PPP4R3A: variants seen among roughly 807,000 people sequenced by gnomAD.
PPP4R3A encodes the protein protein phosphatase 4 regulatory subunit 3A, also known as serine/threonine-protein phosphatase 4 regulatory subunit 3A.
In PPP4R3A, 15 loss-of-function variants were observed where a neutral mutation model predicts 91.7. That is an observed-to-expected ratio of 0.16 (90% CI 0.11 to 0.25). PPP4R3A has a LOEUF of 0.25. Among genes scored for constraint, PPP4R3A ranks in the 10% least tolerant of loss-of-function variants. PPP4R3A has a pLI of 1.00. For missense variants in PPP4R3A, 623 were observed against 998.4 expected (o/e 0.62, Z 5.07); for synonymous variants, 377 against 348.7 (o/e 1.08, Z -0.91).
chr14:91,472,458 G>GTTT (rs76707705), intron 9 of PPP4R3A, among the ~76,000 whole-genome samples: 28 of 133,158 alleles, frequency 2.1e-4, no homozygotes, highest in Non-Finnish European at 3.2e-4. Context: ...CAGGAAAATT[G>GTTT]TTTTTTTTTT....
chr14:91,466,973 T>G (rs1009022664), intron 10 of PPP4R3A, among the ~76,000 whole-genome samples: 20 of 47,808 alleles, frequency 4.2e-4, no homozygotes, highest in African/African-American at 1.5e-3. Context: ...ACCCCTCTTG[T>G]CTGACTATAG....
rs780145413 is a variant in PPP4R3A, at chr14:91,462,173, CTCT to C, written c.2037_2039del (p.Glu680del). 9 of 1,609,070 alleles carry C rather than the reference CTCT, an allele frequency of 5.6e-6. No homozygotes were observed. Among genetic ancestry groups the C allele is most frequent in the African/African-American group, 2.7e-5 (2 of 74,754 alleles). On this transcript the variant is annotated inframe_deletion, in exon 13 of 15. Coordinates refer to ENST00000554943, the MANE Select transcript of PPP4R3A (RefSeq NM_001366432.2). ...CATCTTCATCTGTGTTAAACCACAT[CTCT>C]TCTTCATCTTCTAGTGTTCTGGCAT...
chr14:91,465,067 C>G (rs1008019787), intron 11 of PPP4R3A, among the ~76,000 whole-genome samples, 183 bp downstream of exon 11: 1 of 152,040 alleles, frequency 6.6e-6, no homozygotes, highest in African/African-American at 2.4e-5. Context: ...CCTGCTATAA[C>G]AGATTTGTAG....
At chr14:91,507,480 G>GAATATATACTATAA (rs1891441913) in intron 1 of PPP4R3A, among the ~76,000 whole-genome samples, 1 of 99,154 alleles carries the variant, frequency 1.0e-5, no homozygotes, top group African/African-American at 4.5e-5. Context: ...ATATACTATA[G>GAATATATACTATAA]TTATATATAC....
chr14:91,463,168 C>T (rs1888263124), intron 11 of PPP4R3A, among the ~76,000 whole-genome samples: 2 of 151,938 alleles, frequency 1.3e-5, no homozygotes, highest in Non-Finnish European at 1.5e-5. Context: ...TGGATTTAAG[C>T]GATTCTCCTG....
chr14:91,486,061 G>A lies in PPP4R3A; in HGVS notation c.199-331C>T, dbSNP rs140193166. Among the ~76,000 whole-genome samples, 32 of 152,234 alleles carry A rather than the reference G, an allele frequency of 2.1e-4. 1 individual carries two copies. In the East Asian group the frequency reaches 6.2e-3, roughly 29 times the overall value. ...TTACATTTTATGCTGTCATTAAAAT[G>A]TCCAAAGAGGAAATCTAAGCATAAA... On this transcript the variant is annotated intron_variant, in intron 2 of 14. Transcript: ENST00000554943.
At chr14:91,481,512 T>C in intron 4 of PPP4R3A, 64 bp downstream of exon 4, 1 of 1,466,544 alleles carries the variant, frequency 6.8e-7, no homozygotes, top group Non-Finnish European at 9.0e-7. Context: ...TGTATGTATT[T>C]AAAAGGAGCA....
At chr14:91,508,450 T>C (rs552975359) in intron 1 of PPP4R3A, among the ~76,000 whole-genome samples, 3 of 152,298 alleles carry the variant, frequency 2.0e-5, no homozygotes, top group Non-Finnish European at 2.9e-5. Context: ...ACAATCATAA[T>C]AAACTGGCAT....
chr14:91,500,893 A>G (rs891431281), intron 1 of PPP4R3A, among the ~76,000 whole-genome samples: 4 of 152,118 alleles, frequency 2.6e-5, no homozygotes, highest in African/African-American at 7.2e-5. Context: ...TTAGCTGGAC[A>G]TGGTGGTATG....
At position 91,472,974 on chromosome 14, in the gene PPP4R3A, C is replaced by A. The variant is rs1208510570; in HGVS notation, c.1501+59G>T. 8.6e-6 allele frequency: 13 copies of A among 1,520,372 alleles called. No individual in the cohort carries two copies. In the East Asian group the frequency reaches 9.0e-5, roughly 11 times the overall value. 94.2% of individuals were successfully genotyped at this position (1,520,372 alleles called of 1,614,324 possible). On this transcript the variant is annotated intron_variant, in intron 9 of 14. Transcript: ENST00000554943. Reference sequence around the variant, plus strand: ...CCTCCTAAAAAGACTGACTTAACACCAACTTTGAATTCAGCATTCAAGAAC... The same window carrying A: ...CCTCCTAAAAAGACTGACTTAACACAAACTTTGAATTCAGCATTCAAGAAC...
At chr14:91,507,525 AG>A (rs1246901419) in intron 1 of PPP4R3A, among the ~76,000 whole-genome samples, 18 of 137,146 alleles carry the variant, frequency 1.3e-4, no homozygotes, top group African/African-American at 4.5e-4. Context: ...TATATACTAT[AG>A]TTATATATAC....
chr14:91,509,313 G>A lies in PPP4R3A; in HGVS notation c.142+193C>T, dbSNP rs949167331. Among the ~76,000 whole-genome samples, 8 of 152,282 alleles carry A rather than the reference G, an allele frequency of 5.3e-5. No homozygotes were observed. The South Asian group carries it at 1.2e-3, about 24-fold the overall frequency. Reference sequence around the variant, plus strand: ...AAATGCCACCAGGCACTCAGAGAAAGGAAACATTTCAAGCGCTCTCCGGGG... The same window carrying A: ...AAATGCCACCAGGCACTCAGAGAAAAGAAACATTTCAAGCGCTCTCCGGGG... On this transcript the variant is annotated intron_variant, in intron 1 of 14. Transcript: ENST00000554943.
At chr14:91,459,832 CAAAAA>C (rs60665582) in intron 14 of PPP4R3A, among the ~76,000 whole-genome samples, 3 of 138,418 alleles carry the variant, frequency 2.2e-5, no homozygotes, top group African/African-American at 2.7e-5. Flanking sequence ...GAGACTCTGT[CAAAAA>C]AAAAAAAAAG....
chr14:91,481,075 G>A (rs1433748595), intron 4 of PPP4R3A, among the ~76,000 whole-genome samples: 4 of 151,730 alleles, frequency 2.6e-5, no homozygotes, highest in Non-Finnish European at 5.9e-5. Context: ...GCTCACACCT[G>A]TAATCCCAGC....
At position 91,475,797 on chromosome 14, in the gene PPP4R3A, C is replaced by A. The variant is rs757440350; in HGVS notation, c.1266+14G>T. The A allele has an allele frequency of 6.9e-6, 11 of 1,604,522 alleles. No homozygotes were observed. The highest frequency in any genetic ancestry group is 9.4e-6 in the Non-Finnish European group (11 of 1,173,174). ...TATGTATAAATACTTACTATTAGTA[C>A]AAATAATATTTACCTTGCTGGTTAT... On this transcript the variant is annotated intron_variant, in intron 7 of 14. Coordinates refer to ENST00000554943, the MANE Select transcript of PPP4R3A (RefSeq NM_001366432.2).
rs1012102456 is a variant in PPP4R3A, at chr14:91,462,967, A to G, written c.1831-90T>C. ...TTTAATCAATTCATACCCACCAAAA[A>G]TAGCTTAATTTAATAAAACTACATA... On this transcript the variant is annotated intron_variant, in intron 11 of 14. Coordinates refer to ENST00000554943, the MANE Select transcript of PPP4R3A (RefSeq NM_001366432.2). The G allele has an allele frequency of 9.8e-6, 10 of 1,017,016 alleles. No homozygotes were observed. In the African/African-American group the frequency reaches 1.4e-4, roughly 15 times the overall value. 63.0% of individuals were successfully genotyped at this position (1,017,016 alleles called of 1,614,324 possible). A position where few individuals can be genotyped will look rare whatever the true frequency, so the allele number is the denominator to read the frequency against.
chr14:91,490,603 G>T, intron 2 of PPP4R3A, 144 bp downstream of exon 2: 1 of 627,056 alleles, frequency 1.6e-6, no homozygotes, highest in Non-Finnish European at 2.7e-6. Flanking sequence ...AACACTATAG[G>T]AATTGGCAGA....
Position 91,481,873 on chromosome 14 carries a change from A to T in PPP4R3A, c.618T>A (p.Ala206=), listed in dbSNP as rs752393901. 6.2e-7 allele frequency: 1 copy of T among 1,614,172 alleles called. No individual in the cohort carries two copies. Among genetic ancestry groups the T allele is most frequent in the Non-Finnish European group, 8.5e-7 (1 of 1,180,044 alleles). ...IKGIFLLNRT[A]LFEVMFSEEC... is the part of the protein sequence containing the mutation. Reference sequence around the variant, plus strand: ...CTTCAGAGAACATAACTTCAAAAAGAGCAGTTCGATTCAAGAGAAAGATGC... The same window carrying T: ...CTTCAGAGAACATAACTTCAAAAAGTGCAGTTCGATTCAAGAGAAAGATGC... The change falls in exon 4 of 15, where the codon GCT becomes GCA. Residue 206 remains alanine, a synonymous_variant. Transcript: ENST00000554943.
chr14:91,501,423 T>C (rs867184688), intron 1 of PPP4R3A, among the ~76,000 whole-genome samples: 2 of 152,244 alleles, frequency 1.3e-5, no homozygotes, highest in South Asian at 4.1e-4. Flanking sequence ...GCTTCATTAG[T>C]AGAGAGAATG....
Sources: gnomAD v4.1 joint callset for allele counts (sites outside exome capture counted in the v4.1 genomes callset) on GRCh38, gnomAD v4.1.1 for gene constraint, MANE v1.5 for transcripts, NCBI Gene and HGNC (gene_info 2026-07-23, HGNC 2026-07-21) for gene names.